The following RALGPS2 variants were observed in gnomAD, a reference collection of about 807,000 sequenced individuals.
The protein encoded by RALGPS2 is Ral GEF with PH domain and SH3 binding motif 2.
Under a neutral mutation model 86.8 loss-of-function variants are expected in RALGPS2, and 43 were observed. The observed-to-expected ratio is 0.50, with a 90% CI of 0.39 to 0.64. The LOEUF (loss-of-function observed/expected upper bound fraction) is 0.64. RALGPS2 is among the 30% of genes least tolerant of loss of function. The pLI is 0.00. For missense variants in RALGPS2, 536 were observed against 694.6 expected (o/e 0.77, Z 2.57); for synonymous variants, 243 against 231.3 (o/e 1.05, Z -0.46).
chr1:178,916,465 G>A lies in RALGPS2; in HGVS notation c.*106G>A. On this transcript the variant is annotated 3_prime_UTR_variant, in exon 20 of 20. Coordinates refer to ENST00000367635, the MANE Select transcript of RALGPS2 (RefSeq NM_152663.5). ...ATCCTGTGCCAGGAAGAGCCCAGAG[G>A]CTCTGTCTCAGTCGTTGGAGTTCTC... 1.8e-6 allele frequency: 2 copies of A among 1,088,970 alleles called. No homozygotes were observed. The highest frequency in any genetic ancestry group is 2.5e-5 in the East Asian group (1 of 39,754). The allele number at this position is 1,088,970 out of a possible 1,614,324, so 67.5% of individuals were successfully genotyped here. A position where few individuals can be genotyped will look rare whatever the true frequency, so the allele number is the denominator to read the frequency against.
rs1475023637 is a variant in RALGPS2, at chr1:178,919,531, C to T, written c.*3172C>T. ...AGAATGGAAAACATGTTTACAGACT[C>T]TAGCTTTCCTTATTAGCTTAAACTG... On this transcript the variant is annotated 3_prime_UTR_variant, in exon 20 of 20. Transcript: ENST00000367635. 1 of 152,010 alleles carries T rather than the reference C, an allele frequency of 6.6e-6. No individual in the cohort carries two copies. The highest frequency in any genetic ancestry group is 2.1e-4 in the South Asian group (1 of 4,828). 9.4% of individuals were successfully genotyped at this position (152,010 alleles called of 1,614,324 possible). A position where few individuals can be genotyped will look rare whatever the true frequency, so the allele number is the denominator to read the frequency against.
chr1:178,873,030 A>G (rs1027599014), intron 8 of RALGPS2, among the ~76,000 whole-genome samples: 3 of 152,152 alleles, frequency 2.0e-5, no homozygotes, highest in Non-Finnish European at 4.4e-5. Flanking sequence ...AAAAAGAAGA[A>G]TGGTGGGGGC....
intron 4 of RALGPS2, among the ~76,000 whole-genome samples, chr1:178,807,152 G>A (rs1654784236): frequency 6.6e-6 from 1 of 152,226 alleles, no homozygotes; most frequent in Non-Finnish European, 1.5e-5. Context: ...GGCCAACATA[G>A]CGAGACCCTG....
At chr1:178,746,136 TAAGAG>T (rs1021259601) in intron 1 of RALGPS2, among the ~76,000 whole-genome samples, 2 of 152,074 alleles carry the variant, frequency 1.3e-5, no homozygotes, top group Non-Finnish European at 2.9e-5. Flanking sequence ...AGAGAATTCT[TAAGAG>T]AATGAAAAGA....
At chr1:178,864,765 C>T (rs986595018) in intron 8 of RALGPS2, among the ~76,000 whole-genome samples, 3 of 151,892 alleles carry the variant, frequency 2.0e-5, no homozygotes, top group Non-Finnish European at 4.4e-5. Flanking sequence ...TTTATAAACT[C>T]CTGGAACTTC....
chr1:178,853,002 T>G, intron 8 of RALGPS2: 1 of 1,546,528 alleles, frequency 6.5e-7, no homozygotes, highest in Non-Finnish European at 8.7e-7. Flanking sequence ...ATAGAGATAG[T>G]AAACATTTTT....
At chr1:178,811,205 A>G (rs1654959102) in intron 5 of RALGPS2, 110 bp from the exon 6 acceptor site, 1 of 673,890 alleles carries the variant, frequency 1.5e-6, no homozygotes. Context: ...CACCTTTAAC[A>G]ATGTTTAATT....
intron 4 of RALGPS2, among the ~76,000 whole-genome samples, chr1:178,795,179 CAA>C (rs112878630): frequency 8.2e-6 from 1 of 122,134 alleles, no homozygotes; most frequent in Non-Finnish European, 1.8e-5. Context: ...GACTCTGTCT[CAA>C]AAAAAAAAAA....
At chr1:178,806,880 G>A (rs529949825) in intron 4 of RALGPS2, among the ~76,000 whole-genome samples, 1 of 152,102 alleles carries the variant, frequency 6.6e-6, no homozygotes, top group African/African-American at 2.4e-5. Context: ...TTCGGACCTT[G>A]GACTCGTCCG....
intron 4 of RALGPS2, among the ~76,000 whole-genome samples, chr1:178,789,306 A>T (rs1338314689): frequency 6.6e-6 from 1 of 152,192 alleles, no homozygotes; most frequent in Non-Finnish European, 1.5e-5. Flanking sequence ...CACGTGAGAG[A>T]TGAAGGTGGC....
intron 1 of RALGPS2, among the ~76,000 whole-genome samples, chr1:178,759,506 A>G (rs1652125665): frequency 6.8e-6 from 1 of 148,084 alleles, no homozygotes; most frequent in Non-Finnish European, 1.5e-5. Flanking sequence ...AAGTCAAGTA[A>G]TAGGATTCCT....
chr1:178,750,746 A>C (rs969744066), intron 1 of RALGPS2, among the ~76,000 whole-genome samples: 2 of 152,180 alleles, frequency 1.3e-5, no homozygotes, highest in African/African-American at 4.8e-5. Flanking sequence ...AAGGTTCTCA[A>C]ATTCGTCAAA....
intron 4 of RALGPS2, among the ~76,000 whole-genome samples, chr1:178,797,465 C>G (rs553203548): frequency 6.6e-6 from 1 of 152,120 alleles, no homozygotes; most frequent in South Asian, 2.1e-4. Context: ...GCAATTTTAG[C>G]TTCATAATTC....
At chr1:178,909,341 C>G (rs1257531203) in intron 19 of RALGPS2, among the ~76,000 whole-genome samples, 1 of 152,126 alleles carries the variant, frequency 6.6e-6, no homozygotes, top group Non-Finnish European at 1.5e-5. Context: ...AGTTTGAAGT[C>G]AGGTAGTGTG....
chr1:178,735,712 A>T (rs1308218671), intron 1 of RALGPS2, among the ~76,000 whole-genome samples: 1 of 149,356 alleles, frequency 6.7e-6, no homozygotes, highest in African/African-American at 2.5e-5. Flanking sequence ...ATATATGTAC[A>T]TTATATTTGT....
At chr1:178,883,592 A>G (rs1659352217) in intron 11 of RALGPS2, 59 bp downstream of exon 11, 2 of 1,295,612 alleles carry the variant, frequency 1.5e-6, no homozygotes, top group African/African-American at 2.9e-5. Flanking sequence ...ATAAGGAAGA[A>G]TATACTCCAA....
rs370125065 is a variant in RALGPS2, at chr1:178,742,873, A to G, written c.-84+17454A>G. Among the ~76,000 whole-genome samples, 25 of 152,362 alleles carry G rather than the reference A, an allele frequency of 1.6e-4. 1 individual carries two copies. The South Asian group carries it at 3.7e-3, about 23-fold the overall frequency. The stretch of plus-strand genomic sequence containing the variant: ...TTTATGGTTCAAGGAAGAGATCAAA[A>G]GGGAAATTATAAAGTCTTTTGAACT... On this transcript the variant is annotated intron_variant, in intron 1 of 19. Coordinates refer to ENST00000367635, the MANE Select transcript of RALGPS2 (RefSeq NM_152663.5).
intron 1 of RALGPS2, among the ~76,000 whole-genome samples, chr1:178,759,552 A>T (rs567625030): frequency 2.1e-5 from 3 of 140,412 alleles, no homozygotes; most frequent in African/African-American, 5.4e-5. Flanking sequence ...TTTGCCCAAG[A>T]TTGCTTTAGC....
At chr1:178,791,637 G>A (rs1054518313) in intron 4 of RALGPS2, among the ~76,000 whole-genome samples, 8 of 152,138 alleles carry the variant, frequency 5.3e-5, no homozygotes, top group African/African-American at 7.2e-5. Flanking sequence ...TCTGAGTTAC[G>A]TATAATATAT....
Sources: gnomAD v4.1 joint callset for allele counts (sites outside exome capture counted in the v4.1 genomes callset) on GRCh38, gnomAD v4.1.1 for gene constraint, MANE v1.5 for transcripts, NCBI Gene and HGNC (gene_info 2026-07-23, HGNC 2026-07-21) for gene names.